CHRM5: variants seen among roughly 807,000 people sequenced by gnomAD.
The protein encoded by CHRM5 is muscarinic acetylcholine receptor M5.
A neutral mutation model predicts 39.0 loss-of-function variants in CHRM5; 18 were observed. That is an observed-to-expected ratio of 0.46 (90% confidence interval 0.32 to 0.68). The LOEUF (loss-of-function observed/expected upper bound fraction) is 0.68. Ranked by LOEUF, CHRM5 falls within the 30% of genes least tolerant of loss-of-function variation. CHRM5 has a pLI of 0.04. For missense variants in CHRM5, 515 were observed against 651.1 expected (o/e 0.79, Z 2.28); for synonymous variants, 241 against 246.3 (o/e 0.98, Z 0.20).
At chr15:34,053,747 AC>A (rs550060369) in intron 2 of CHRM5, among the ~76,000 whole-genome samples, 36 of 152,318 alleles carry the variant, frequency 2.4e-4, no homozygotes, top group African/African-American at 7.7e-4. Context: ...GCTAGGCAAT[AC>A]CGTTCAGGAC....
At position 34,046,291 on chromosome 15, in the gene CHRM5, T is replaced by C. The variant is rs1372108774; in HGVS notation, c.-407-249T>C. ...TTCCAAATCTTTTTGTGGAAAGATC[T>C]GTCCAGCAGCCTAGGAATCAGGAAA... is the stretch of plus-strand genomic sequence containing the variant. On this transcript the variant is annotated intron_variant, in intron 1 of 2. Coordinates refer to ENST00000383263, the MANE Select transcript of CHRM5 (RefSeq NM_012125.4). 2.7e-5 allele frequency among the ~76,000 whole-genome samples: 4 copies of C among 149,756 alleles called. No homozygotes were observed. The East Asian group carries it at 7.8e-4, about 29-fold the overall frequency.
intron 2 of CHRM5, among the ~76,000 whole-genome samples, chr15:34,053,319 A>ATATATATATATATATAT (rs1555520677): frequency 7.1e-5 from 3 of 42,064 alleles, no homozygotes; most frequent in African/African-American, 2.4e-4. Flanking sequence ...AAAAAAAAAA[A>ATATATATATATATATAT]ATATATATAT....
intron 1 of CHRM5, chr15:34,006,958 A>C (rs1897380756): frequency 1.7e-6 from 1 of 578,272 alleles, no homozygotes; most frequent in South Asian, 7.7e-5. Context: ...ATCAGAAAAC[A>C]AGGTGAAAAC....
chr15:34,042,134 C>T (rs1353255548), intron 1 of CHRM5, among the ~76,000 whole-genome samples: 8 of 152,208 alleles, frequency 5.3e-5, no homozygotes, highest in Admixed American at 2.6e-4. Flanking sequence ...AAAAATACCA[C>T]ACAAGTACCT....
At chr15:33,994,260 T>C (rs1896847281) in intron 1 of CHRM5, among the ~76,000 whole-genome samples, 1 of 152,230 alleles carries the variant, frequency 6.6e-6, no homozygotes, top group African/African-American at 2.4e-5. Context: ...CCAAACCCTA[T>C]TGTGAACTGC....
At chr15:33,969,594 C>T (rs184633815) in intron 1 of CHRM5, among the ~76,000 whole-genome samples, 50 of 152,034 alleles carry the variant, frequency 3.3e-4, no homozygotes, top group African/African-American at 1.2e-3. Flanking sequence ...AGCTCAATGA[C>T]TGATTTCTAT....
At chr15:34,042,036 G>A (rs547176005) in intron 1 of CHRM5, among the ~76,000 whole-genome samples, 53 of 152,100 alleles carry the variant, frequency 3.5e-4, no homozygotes, top group Non-Finnish European at 6.0e-4. Flanking sequence ...CCTAATTAGC[G>A]GACACAACTA....
intron 1 of CHRM5, among the ~76,000 whole-genome samples, chr15:34,026,917 A>C (rs1898500231): frequency 6.6e-6 from 1 of 152,194 alleles, no homozygotes; most frequent in Admixed American, 6.5e-5. Context: ...AATAGAATTA[A>C]AGAGTGACAT....
chr15:34,034,636 C>T (rs1264391594), intron 1 of CHRM5, among the ~76,000 whole-genome samples: 5 of 152,010 alleles, frequency 3.3e-5, no homozygotes, highest in Non-Finnish European at 7.4e-5. Context: ...AGAATACAAG[C>T]AAAAAAGTTC....
At chr15:34,002,948 T>G (rs973188747) in intron 1 of CHRM5, 2 of 1,251,084 alleles carry the variant, frequency 1.6e-6, no homozygotes, top group Non-Finnish European at 2.2e-6. Context: ...TTGCTAGTTA[T>G]AAAAGTAGAA....
At chr15:34,032,367 T>A (rs1395581416) in intron 1 of CHRM5, among the ~76,000 whole-genome samples, 1 of 152,122 alleles carries the variant, frequency 6.6e-6, no homozygotes, top group African/African-American at 2.4e-5. Context: ...AAACCAACAA[T>A]GACTTAGTAC....
chr15:33,981,638 G>T (rs1480109370), intron 1 of CHRM5, among the ~76,000 whole-genome samples: 1 of 152,136 alleles, frequency 6.6e-6, no homozygotes, highest in African/African-American at 2.4e-5. Context: ...ATAGTCATGG[G>T]TTTTGGAATC....
chr15:33,996,461 C>A (rs1373492598), intron 1 of CHRM5, among the ~76,000 whole-genome samples: 1 of 152,146 alleles, frequency 6.6e-6, no homozygotes, highest in Non-Finnish European at 1.5e-5. Context: ...AGGCGGGTGC[C>A]CCTCTGGGAC....
intron 1 of CHRM5, chr15:34,007,175 A>C: frequency 2.6e-6 from 1 of 391,402 alleles, no homozygotes; most frequent in Non-Finnish European, 3.5e-6. Context: ...CACACACACA[A>C]ATCCATTTAA....
chr15:34,008,942 ACG>A (rs749727485), intron 1 of CHRM5, among the ~76,000 whole-genome samples: 102 of 46,398 alleles, frequency 2.2e-3, no homozygotes, highest in Middle Eastern at 0.01. Context: ...ACACACTCAC[ACG>A]TGCGCGCGCG....
At chr15:34,018,199 T>A (rs576395138) in intron 1 of CHRM5, 3 of 152,242 alleles carry the variant, frequency 2.0e-5, no homozygotes, top group Non-Finnish European at 4.4e-5. Flanking sequence ...GACAGCTCCA[T>A]GCATTTTGCT....
At chr15:33,973,337 GT>G (rs1233443927) in intron 1 of CHRM5, among the ~76,000 whole-genome samples, 1 of 152,188 alleles carries the variant, frequency 6.6e-6, no homozygotes, top group Non-Finnish European at 1.5e-5. Context: ...CTAGAAAGCT[GT>G]TGGTGTAAAT....
intron 1 of CHRM5, among the ~76,000 whole-genome samples, chr15:34,042,763 G>A (rs1899524812): frequency 1.3e-5 from 2 of 152,054 alleles, no homozygotes; most frequent in South Asian, 4.1e-4. Flanking sequence ...TTCTCAAAAT[G>A]TAGGCCAGAA....
At chr15:34,039,229 GGCGTCCC>G in intron 1 of CHRM5, 1 of 381,424 alleles carries the variant, frequency 2.6e-6, no homozygotes, top group Non-Finnish European at 3.7e-6. Context: ...CGGGGCGGCC[GGCGTCCC>G]GCAGGTGGGG....
Sources: gnomAD v4.1 joint callset for allele counts (sites outside exome capture counted in the v4.1 genomes callset) on GRCh38, gnomAD v4.1.1 for gene constraint, MANE v1.5 for transcripts, NCBI Gene and HGNC (gene_info 2026-07-23, HGNC 2026-07-21) for gene names.